Variants in ATAD5 observed in about 807,000 individuals in gnomAD.
ATAD5 encodes the protein ATPase family AAA domain-containing protein 5.
Under a neutral mutation model 176.9 loss-of-function variants are expected in ATAD5, and 58 were observed. That is an observed-to-expected ratio of 0.33 (90% CI 0.27 to 0.41). The LOEUF (loss-of-function observed/expected upper bound fraction) is 0.41. Ranked by LOEUF, ATAD5 falls within the 10% of genes least tolerant of loss-of-function variation. The probability of loss-of-function intolerance (pLI) is 1.00; values close to 1 mark genes in which losing one functional copy is unlikely to be tolerated. For missense variants in ATAD5, 1,789 were observed against 2,094.1 expected (o/e 0.85, Z 2.84); for synonymous variants, 640 against 712.6 (o/e 0.90, Z 1.62).
At chr17:30,832,788 G>T (rs1475062082) in intron 1 of ATAD5, among the ~76,000 whole-genome samples, 1 of 152,172 alleles carries the variant, frequency 6.6e-6, no homozygotes, top group East Asian at 1.9e-4. Flanking sequence ...CGCTGAAGAA[G>T]ATCTTTAAGT....
At chr17:30,842,704 G>C (rs1906202220) in intron 4 of ATAD5, among the ~76,000 whole-genome samples, 1 of 152,054 alleles carries the variant, frequency 6.6e-6, no homozygotes, top group Admixed American at 6.6e-5. Flanking sequence ...TCTGTTAGTT[G>C]CTTTTTAAAA....
At chr17:30,862,450 C>G (rs1239031594) in intron 10 of ATAD5, among the ~76,000 whole-genome samples, 1 of 151,954 alleles carries the variant, frequency 6.6e-6, no homozygotes, top group East Asian at 1.9e-4. Flanking sequence ...TATTTATTTA[C>G]TTTTTTTGAG....
At chr17:30,864,130 T>A (rs1218701405) in intron 10 of ATAD5, 1 of 152,202 alleles carries the variant, frequency 6.6e-6, no homozygotes, top group Non-Finnish European at 1.5e-5. Context: ...ACAAATTATT[T>A]CTCATCATTC....
At chr17:30,854,941 T>C (rs547018517) in intron 6 of ATAD5, among the ~76,000 whole-genome samples, 1 of 152,126 alleles carries the variant, frequency 6.6e-6, no homozygotes, top group East Asian at 1.9e-4. Flanking sequence ...GTATTTTTAG[T>C]AGAGATGGGG....
chr17:30,844,174 G>A, intron 5 of ATAD5, 135 bp downstream of exon 5: 1 of 823,214 alleles, frequency 1.2e-6, no homozygotes, highest in Non-Finnish European at 1.7e-6. Context: ...TGTCACTCAG[G>A]CTGGAGTGCA....
intron 8 of ATAD5, among the ~76,000 whole-genome samples, 198 bp downstream of exon 8, chr17:30,857,310 C>T (rs959718632): frequency 6.6e-6 from 1 of 151,932 alleles, no homozygotes; most frequent in Non-Finnish European, 1.5e-5. Flanking sequence ...CCTCTGCTTC[C>T]CGAGTTCAAG....
rs747312799 is a variant in ATAD5, at chr17:30,835,708, G to C, written c.1627G>C (p.Asp543His). The C allele has an allele frequency of 4.9e-5, 79 of 1,609,780 alleles. No individual in the cohort carries two copies. The highest frequency in any genetic ancestry group is 6.7e-5 in the Non-Finnish European group (79 of 1,178,798). Residue 543 changes from aspartate to histidine, a missense_variant, in exon 2 of 23, where the codon GAT (aspartate) becomes CAT (histidine). This residue lies in a region of ATAD5 where 696 missense variants were observed against 712.5 expected (regional missense o/e 0.98). Transcript: ENST00000321990. ...LFNNESLVYE[D>H]IANDDLLKVS... ...TAACAATGAAAGTCTTGTTTATGAA[G>C]ATATAGCAAATGATGACCTTCTAAA...
At chr17:30,868,274 TA>T in intron 11 of ATAD5, 58 bp from the exon 12 acceptor site, 1 of 1,362,080 alleles carries the variant, frequency 7.3e-7, no homozygotes, top group Non-Finnish European at 9.9e-7. Context: ...CATTTTAACA[TA>T]AAGTCTAAGG....
At chr17:30,838,489 G>T (rs147839281) in intron 3 of ATAD5, among the ~76,000 whole-genome samples, 247 of 152,180 alleles carry the variant, frequency 1.6e-3, no homozygotes, top group Middle Eastern at 0.01. Context: ...TAGTTCATAG[G>T]GTGAGGAAAC....
At chr17:30,890,611 C>T (rs143835937) in intron 19 of ATAD5, among the ~76,000 whole-genome samples, 4,034 of 151,418 alleles carry the variant, frequency 0.027, 196 homozygotes, top group African/African-American at 0.092. Flanking sequence ...TTAGTAGAGA[C>T]AGGGTTTCAC....
At chr17:30,866,769 C>A (rs889983331) in intron 11 of ATAD5, among the ~76,000 whole-genome samples, 1 of 151,936 alleles carries the variant, frequency 6.6e-6, no homozygotes, top group South Asian at 2.1e-4. Flanking sequence ...GAGCCGAGGT[C>A]GTGCCAGTGC....
At chr17:30,886,020 A>G (rs553435216) in intron 18 of ATAD5, among the ~76,000 whole-genome samples, 21 of 152,120 alleles carry the variant, frequency 1.4e-4, no homozygotes, top group African/African-American at 5.1e-4. Flanking sequence ...ATCTATCTCT[A>G]TGGTGAATTA....
rs2142465462 is a variant in ATAD5 at position 30,895,326 on chromosome 17, A to C, written c.*413A>C. 2 of 153,358 alleles carry C rather than the reference A, an allele frequency of 1.3e-5. No individual in the cohort carries two copies. Among genetic ancestry groups the C allele is most frequent in the Middle Eastern group, 6.7e-3 (2 of 300 alleles). 9.5% of individuals were successfully genotyped at this position (153,358 alleles called of 1,614,324 possible). A position where few individuals can be genotyped will look rare whatever the true frequency, so the allele number is the denominator to read the frequency against. On this transcript the variant is annotated 3_prime_UTR_variant, in exon 23 of 23. Transcript: ENST00000321990. ...CTGCTAAATTTGACTGGCTTTACAA[A>C]AACAAAAACATTATCTGGTGAATTA...
chr17:30,844,169 C>A, intron 5 of ATAD5, 130 bp downstream of exon 5: 1 of 888,288 alleles, frequency 1.1e-6, no homozygotes, highest in Non-Finnish European at 1.5e-6. Flanking sequence ...CGCTTTGTCA[C>A]TCAGGCTGGA....
At chr17:30,851,684 G>A (rs574668705) in intron 6 of ATAD5, among the ~76,000 whole-genome samples, 1 of 152,142 alleles carries the variant, frequency 6.6e-6, no homozygotes, top group African/African-American at 2.4e-5. Flanking sequence ...CCGGGTTCAA[G>A]TGATTATCGT....
intron 16 of ATAD5, 83 bp downstream of exon 16, chr17:30,877,632 T>C (rs899691622): frequency 7.8e-6 from 11 of 1,408,582 alleles, no homozygotes; most frequent in African/African-American, 4.4e-5. Flanking sequence ...TTATAAAGAA[T>C]TGTAAAATAG....
At chr17:30,847,073 T>C (rs1256368408) in intron 6 of ATAD5, among the ~76,000 whole-genome samples, 1 of 152,026 alleles carries the variant, frequency 6.6e-6, no homozygotes, top group East Asian at 1.9e-4. Flanking sequence ...ACAATAAAAA[T>C]ATAGAACATT....
intron 1 of ATAD5, 91 bp from the exon 2 acceptor site, chr17:30,834,057 C>T: frequency 3.7e-6 from 4 of 1,085,362 alleles, no homozygotes; most frequent in South Asian, 2.5e-5. Flanking sequence ...TTTTTTAATC[C>T]TATTATGTAA....
chr17:30,865,173 AT>A lies in ATAD5; in HGVS notation c.3137-514del, dbSNP rs1361518168. ...AACCAATGTTTAAGTGTGCACTTTA[AT>A]TTTTTTTTTTTTTTTTGAGACGGAG... On this transcript the variant is annotated intron_variant, in intron 10 of 22. Transcript: ENST00000321990. 5.1e-3 allele frequency among the ~76,000 whole-genome samples: 677 copies of A among 133,972 alleles called. 1 individual carries two copies. Among genetic ancestry groups the A allele is most frequent in the South Asian group, 0.026 (113 of 4,270 alleles). 87.9% of individuals were successfully genotyped at this position (133,972 alleles called of 152,430 possible).
Sources: gnomAD v4.1 joint callset for allele counts (sites outside exome capture counted in the v4.1 genomes callset) on GRCh38, gnomAD v4.1.1 for gene constraint, gnomAD v4.1.1 regional missense constraint, MANE v1.5 for transcripts, NCBI Gene and HGNC (gene_info 2026-07-23, HGNC 2026-07-21) for gene names.